PPP2R5E: variants seen among roughly 807,000 people sequenced by gnomAD.
PPP2R5E encodes the protein serine/threonine-protein phosphatase 2A 56 kDa regulatory subunit epsilon isoform.
In PPP2R5E, 4 loss-of-function variants were observed where a neutral mutation model predicts 65.3. The ratio of observed to expected loss-of-function variants is 0.06; its 90% CI spans 0.03 to 0.14. The LOEUF is 0.14. Among genes scored for constraint, PPP2R5E ranks in the 10% least tolerant of loss-of-function variants. The pLI is 1.00. For missense variants in PPP2R5E, 274 were observed against 556.1 expected (o/e 0.49, Z 5.10); for synonymous variants, 183 against 187.4 (o/e 0.98, Z 0.19).
chr14:63,400,221 C>T (rs1323414089), intron 5 of PPP2R5E, among the ~76,000 whole-genome samples: 1 of 152,204 alleles, frequency 6.6e-6, no homozygotes, highest in Non-Finnish European at 1.5e-5. Flanking sequence ...ATAAGCAAGA[C>T]AGATACAGTC....
chr14:63,473,149 T>C (rs528154324), intron 2 of PPP2R5E, among the ~76,000 whole-genome samples: 1 of 152,258 alleles, frequency 6.6e-6, no homozygotes, highest in Non-Finnish European at 1.5e-5. Flanking sequence ...GATGATACTG[T>C]TGGTAAAAAT....
chr14:63,517,723 AT>A (rs1446135950), intron 2 of PPP2R5E, among the ~76,000 whole-genome samples: 1 of 152,220 alleles, frequency 6.6e-6, no homozygotes, highest in Non-Finnish European at 1.5e-5. Context: ...GGTGGATTCA[AT>A]TTTTAACTTC....
rs528081976 is a variant in PPP2R5E at position 63,379,826 on chromosome 14, C to CTCTCTCTCTT, written c.1304+2229_1304+2230insAAGAGAGAGA. On this transcript the variant is annotated intron_variant, in intron 13 of 13. Transcript: ENST00000337537. ...TAAGTTGTTCTTCAATATTCTCTCTCTTTTTTTTTTTTTTTTTTTTTTTTT... is the reference window on the plus strand; with the variant it reads ...TAAGTTGTTCTTCAATATTCTCTCTCTCTCTCTCTTTTTTTTTTTTTTTTTTTTTTTTTTT... Among the ~76,000 whole-genome samples the CTCTCTCTCTT allele has an allele frequency of 2.0e-3, 200 of 100,280 alleles. 2 individuals carry two copies. Among genetic ancestry groups the CTCTCTCTCTT allele is most frequent in the Middle Eastern group, 5.9e-3 (1 of 170 alleles). The allele number at this position is 100,280 out of a possible 152,430, so 65.8% of individuals were successfully genotyped here. A position where few individuals can be genotyped will look rare whatever the true frequency, so the allele number is the denominator to read the frequency against.
chr14:63,426,780 A>C (rs991493193), intron 3 of PPP2R5E, among the ~76,000 whole-genome samples: 2 of 152,106 alleles, frequency 1.3e-5, no homozygotes, highest in African/African-American at 4.8e-5. Flanking sequence ...TTTAAGAATT[A>C]AATGAATGAA....
chr14:63,501,568 TGAG>T lies in PPP2R5E; in HGVS notation c.157+37958_157+37960del, dbSNP rs532375052. Among the ~76,000 whole-genome samples the T allele has an allele frequency of 1.3e-3, 205 of 152,172 alleles. 1 individual carries two copies. Among genetic ancestry groups the T allele is most frequent in the African/African-American group, 4.7e-3 (194 of 41,518 alleles). On this transcript the variant is annotated intron_variant, in intron 2 of 13. Coordinates refer to ENST00000337537, the MANE Select transcript of PPP2R5E (RefSeq NM_006246.5). ...TGGAGAGAGAAGGTAGCGAGAGGAA[TGAG>T]GAGTGACTGCTAATGGGCACAGAAT...
At chr14:63,498,211 GACAA>G (rs771498078) in intron 2 of PPP2R5E, among the ~76,000 whole-genome samples, 25 of 152,180 alleles carry the variant, frequency 1.6e-4, no homozygotes, top group Non-Finnish European at 3.2e-4. Context: ...AGGTCCTAAA[GACAA>G]ACAGTGTGGT....
At chr14:63,479,844 CA>C (rs911556865) in intron 2 of PPP2R5E, among the ~76,000 whole-genome samples, 1 of 152,154 alleles carries the variant, frequency 6.6e-6, no homozygotes, top group African/African-American at 2.4e-5. Flanking sequence ...TCAAGATGGT[CA>C]AATATTGGAA....
intron 3 of PPP2R5E, among the ~76,000 whole-genome samples, chr14:63,424,630 A>G (rs941197090): frequency 6.6e-6 from 1 of 151,988 alleles, no homozygotes; most frequent in African/African-American, 2.4e-5. Context: ...GGGCGCCTGT[A>G]GTCCCAGCTA....
rs749576391 is a variant in PPP2R5E at position 63,540,130 on chromosome 14, T to TAA, written c.-7-440_-7-439dup. Among the ~76,000 whole-genome samples the TAA allele has an allele frequency of 1.7e-3, 197 of 117,104 alleles. 1 individual carries two copies. Among genetic ancestry groups the TAA allele is most frequent in the African/African-American group, 5.8e-3 (179 of 31,042 alleles). The allele number at this position is 117,104 out of a possible 152,430, so 76.8% of individuals were successfully genotyped here. On this transcript the variant is annotated intron_variant, in intron 1 of 13. Coordinates refer to ENST00000337537, the MANE Select transcript of PPP2R5E (RefSeq NM_006246.5). ...AGTGACAGAGTGAGATTCCGTCCTT[T>TAA]AAAAAAAAAAAAAAAAAGGGCTGGG...
intron 2 of PPP2R5E, among the ~76,000 whole-genome samples, chr14:63,475,430 C>T (rs1890360166): frequency 6.6e-6 from 1 of 152,240 alleles, no homozygotes; most frequent in Non-Finnish European, 1.5e-5. Flanking sequence ...GTTTCCAACA[C>T]ACTTTACAAA....
At position 63,475,559 on chromosome 14, in the gene PPP2R5E, TG is replaced by T. The variant is rs559839777; in HGVS notation, c.158-21675del. On this transcript the variant is annotated intron_variant, in intron 2 of 13. Coordinates refer to ENST00000337537, the MANE Select transcript of PPP2R5E (RefSeq NM_006246.5). The stretch of plus-strand genomic sequence containing the variant: ...GATATCCAGATGTTCAATATATCAC[TG>T]TTTTTTTATATATTACAATTAGTTT... 2.6e-5 allele frequency among the ~76,000 whole-genome samples: 4 copies of T among 152,386 alleles called. No individual in the cohort carries two copies. The South Asian group carries it at 6.2e-4, about 24-fold the overall frequency.
intron 5 of PPP2R5E, among the ~76,000 whole-genome samples, chr14:63,409,216 G>A (rs1744344199): frequency 6.6e-6 from 1 of 152,146 alleles, no homozygotes; most frequent in Non-Finnish European, 1.5e-5. Context: ...CTGGGTGACA[G>A]AGCAAGACTC....
chr14:63,393,802 T>G lies in PPP2R5E; in HGVS notation c.849+18A>C. ...TTTTTATTTTGCTTCTAAAAGTAGT[T>G]GTACAAAATCCTCCTACCTGTGCAT... is the stretch of plus-strand genomic sequence containing the variant. On this transcript the variant is annotated intron_variant, in intron 8 of 13. Transcript: ENST00000337537. 1 of 1,465,584 alleles carries G rather than the reference T, an allele frequency of 6.8e-7. No individual in the cohort carries two copies. Among genetic ancestry groups the G allele is most frequent in the Non-Finnish European group, 9.4e-7 (1 of 1,060,308 alleles). 90.8% of individuals were successfully genotyped at this position (1,465,584 alleles called of 1,614,324 possible).
chr14:63,390,543 A>C (rs564192191), intron 10 of PPP2R5E, among the ~76,000 whole-genome samples: 1 of 152,356 alleles, frequency 6.6e-6, no homozygotes, highest in Non-Finnish European at 1.5e-5. Flanking sequence ...GAGCAATCAA[A>C]ATATGAAAAA....
intron 2 of PPP2R5E, among the ~76,000 whole-genome samples, chr14:63,533,248 G>A (rs1018086763): frequency 7.3e-5 from 11 of 151,572 alleles, no homozygotes; most frequent in Non-Finnish European, 1.5e-4. Flanking sequence ...AGATATAGAC[G>A]AAAAAGGCAA....
intron 13 of PPP2R5E, among the ~76,000 whole-genome samples, chr14:63,376,573 T>C (rs1005804313): frequency 6.6e-6 from 1 of 152,208 alleles, no homozygotes; most frequent in Non-Finnish European, 1.5e-5. Flanking sequence ...AGCCTTCAAA[T>C]TGGGTTCAAT....
intron 2 of PPP2R5E, among the ~76,000 whole-genome samples, chr14:63,500,250 T>C (rs1367446209): frequency 1.3e-5 from 2 of 152,248 alleles, no homozygotes; most frequent in Non-Finnish European, 2.9e-5. Flanking sequence ...TTCACTTTAA[T>C]GAAAGTAAAA....
At chr14:63,514,725 G>C (rs544914736) in intron 2 of PPP2R5E, among the ~76,000 whole-genome samples, 1 of 152,148 alleles carries the variant, frequency 6.6e-6, no homozygotes, top group Non-Finnish European at 1.5e-5. Context: ...ATCGTAAATG[G>C]ACATGGAATA....
At chr14:63,414,488 A>G (rs1047834879) in intron 5 of PPP2R5E, among the ~76,000 whole-genome samples, 1 of 152,172 alleles carries the variant, frequency 6.6e-6, no homozygotes, top group Non-Finnish European at 1.5e-5. Flanking sequence ...TATATCAACA[A>G]CAGGAGCAAG....
Sources: allele counts gnomAD v4.1 joint callset (sites outside exome capture counted in the v4.1 genomes callset), GRCh38; gene constraint gnomAD v4.1.1; transcripts MANE v1.5; gene names NCBI Gene and HGNC (gene_info 2026-07-23, HGNC 2026-07-21).